Variants in IGF2BP3 observed in about 807,000 individuals in gnomAD.
IGF2BP3 encodes the protein insulin like growth factor 2 mRNA binding protein 3.
Under a neutral mutation model 73.8 loss-of-function variants are expected in IGF2BP3, and 9 were observed. That is an observed-to-expected ratio of 0.12 (90% CI 0.07 to 0.21). IGF2BP3 has a LOEUF of 0.21. IGF2BP3 is among the 10% of genes least tolerant of loss of function. IGF2BP3 has a pLI of 1.00. For synonymous variants in IGF2BP3, 258 were observed against 256.7 expected (o/e 1.01, Z -0.05); for missense variants, 542 against 714.0 (o/e 0.76, Z 2.75).
chr7:23,415,763 C>T (rs1274213137), intron 3 of IGF2BP3, among the ~76,000 whole-genome samples: 1 of 152,248 alleles, frequency 6.6e-6, no homozygotes, highest in African/African-American at 2.4e-5. Flanking sequence ...AAAACCTCAA[C>T]TTCCTCTTTG....
chr7:23,439,170 G>A (rs943471616), intron 2 of IGF2BP3, among the ~76,000 whole-genome samples: 13 of 152,182 alleles, frequency 8.5e-5, no homozygotes, highest in African/African-American at 3.1e-4. Flanking sequence ...TTAAGCCCAG[G>A]AGTTTGAGGC....
chr7:23,347,374 T>C (rs1264455191), intron 7 of IGF2BP3, among the ~76,000 whole-genome samples: 1 of 152,154 alleles, frequency 6.6e-6, no homozygotes, highest in African/African-American at 2.4e-5. Flanking sequence ...ATAGCTGCAT[T>C]TCTCTTCCCC....
At position 23,449,308 on chromosome 7, in the gene IGF2BP3, G is replaced by C. The variant is rs528980498; in HGVS notation, c.236+19174C>G. On this transcript the variant is annotated intron_variant, in intron 2 of 14. Transcript: ENST00000258729. ...CGAGGCGGGCAGATCACGAAGTCAA[G>C]AGATCGCGACCATCCTGGCTAACAC... Among the ~76,000 whole-genome samples the C allele has an allele frequency of 2.3e-3, 353 of 151,916 alleles. 1 individual carries two copies. Among genetic ancestry groups the C allele is most frequent in the African/African-American group, 8.0e-3 (330 of 41,502 alleles).
chr7:23,434,879 A>G (rs1023567166), intron 2 of IGF2BP3, among the ~76,000 whole-genome samples: 3 of 152,166 alleles, frequency 2.0e-5, no homozygotes, highest in African/African-American at 7.2e-5. Context: ...CTACATCAGT[A>G]TTTTCCCAAA....
intron 10 of IGF2BP3, among the ~76,000 whole-genome samples, chr7:23,326,196 C>T (rs1478460023): frequency 1.3e-5 from 2 of 152,156 alleles, no homozygotes; most frequent in Non-Finnish European, 2.9e-5. Flanking sequence ...CCAGAATCTA[C>T]AATGAACTCA....
chr7:23,444,271 C>G (rs960296202), intron 2 of IGF2BP3, among the ~76,000 whole-genome samples: 3 of 151,916 alleles, frequency 2.0e-5, no homozygotes, highest in African/African-American at 7.3e-5. Context: ...ATAATGAAAC[C>G]TAAGATATTA....
intron 10 of IGF2BP3, among the ~76,000 whole-genome samples, chr7:23,330,110 C>A (rs932116742): frequency 4.0e-5 from 6 of 151,868 alleles, no homozygotes; most frequent in African/African-American, 1.5e-4. Flanking sequence ...CATAGTAAAA[C>A]CCCATCTCCA....
intron 14 of IGF2BP3, 62 bp from the exon 15 acceptor site, chr7:23,312,522 C>G (rs975155618): frequency 6.9e-6 from 8 of 1,167,342 alleles, no homozygotes. Context: ...TTATTGTACT[C>G]CTTCATTTCA....
chr7:23,325,375 G>A (rs1369989790), intron 10 of IGF2BP3, among the ~76,000 whole-genome samples: 5 of 151,980 alleles, frequency 3.3e-5, no homozygotes, highest in African/African-American at 7.3e-5. Context: ...GGGATGTGAC[G>A]GACCTCTTCA....
chr7:23,425,386 T>G (rs922392919), intron 2 of IGF2BP3, among the ~76,000 whole-genome samples: 12 of 152,206 alleles, frequency 7.9e-5, no homozygotes, highest in African/African-American at 2.9e-4. Context: ...TATATAATAA[T>G]GTATTTTTTC....
chr7:23,449,696 C>G (rs750855928), intron 2 of IGF2BP3, among the ~76,000 whole-genome samples: 3 of 151,378 alleles, frequency 2.0e-5, no homozygotes, highest in African/African-American at 7.3e-5. Flanking sequence ...TAGCTGGGAC[C>G]ACAGGTATGC....
chr7:23,462,124 C>G (rs1490826013), intron 2 of IGF2BP3, among the ~76,000 whole-genome samples: 1 of 152,180 alleles, frequency 6.6e-6, no homozygotes, highest in African/African-American at 2.4e-5. Context: ...TAGTAATGGA[C>G]CTGAGTGGCA....
intron 12 of IGF2BP3, among the ~76,000 whole-genome samples, chr7:23,314,872 A>G (rs1355669385): frequency 1.3e-5 from 2 of 152,022 alleles, no homozygotes; most frequent in Non-Finnish European, 2.9e-5. Context: ...GTTTCGGCTT[A>G]CTGCAACCTC....
chr7:23,428,730 GAAA>G (rs576484578), intron 2 of IGF2BP3, among the ~76,000 whole-genome samples: 1 of 129,070 alleles, frequency 7.7e-6, no homozygotes, highest in Non-Finnish European at 1.6e-5. Context: ...TTTTTAGGGG[GAAA>G]AAAAAAAAAA....
At chr7:23,375,104 T>C (rs1406286677) in intron 3 of IGF2BP3, among the ~76,000 whole-genome samples, 1 of 152,218 alleles carries the variant, frequency 6.6e-6, no homozygotes, top group Non-Finnish European at 1.5e-5. Flanking sequence ...TCAAATACTG[T>C]TTTAAACATT....
At chr7:23,404,042 G>A (rs1323189828) in intron 3 of IGF2BP3, among the ~76,000 whole-genome samples, 4 of 152,000 alleles carry the variant, frequency 2.6e-5, no homozygotes, top group African/African-American at 9.6e-5. Context: ...AGGAGGCCAA[G>A]GCAGGAGGAT....
At chr7:23,341,075 C>A (rs1784699445) in intron 10 of IGF2BP3, among the ~76,000 whole-genome samples, 1 of 152,062 alleles carries the variant, frequency 6.6e-6, no homozygotes, top group Admixed American at 6.6e-5. Context: ...GTCTTGAACT[C>A]CTGACCTCGG....
At chr7:23,389,913 C>A (rs1786217466) in intron 3 of IGF2BP3, among the ~76,000 whole-genome samples, 1 of 151,556 alleles carries the variant, frequency 6.6e-6, no homozygotes, top group African/African-American at 2.4e-5. Context: ...GAGGTCAAGG[C>A]TGCAGTGAGC....
At chr7:23,421,528 A>C (rs1346475015) in intron 2 of IGF2BP3, among the ~76,000 whole-genome samples, 5 of 150,936 alleles carry the variant, frequency 3.3e-5, no homozygotes, top group Non-Finnish European at 5.9e-5. Context: ...CCCCATCTCT[A>C]CTAAAAATAC....
Sources: allele counts gnomAD v4.1 joint callset (sites outside exome capture counted in the v4.1 genomes callset), GRCh38; gene constraint gnomAD v4.1.1; transcripts MANE v1.5; gene names NCBI Gene and HGNC (gene_info 2026-07-23, HGNC 2026-07-21).